Variants in OTOL1 observed in about 807,000 individuals in gnomAD.
OTOL1 encodes otolin-1.
OTOL1 carries 31 observed loss-of-function variants against 25.0 expected under a neutral mutation model. That is an observed-to-expected ratio of 1.24 (90% CI 0.93 to 1.67). OTOL1 has a LOEUF of 1.67. Ranked by LOEUF, OTOL1 falls within the 40% of genes most tolerant of loss-of-function variation. OTOL1 has a pLI of 0.00. For synonymous variants in OTOL1, 225 were observed against 210.3 expected (o/e 1.07, Z -0.61); for missense variants, 654 against 587.7 (o/e 1.11, Z -1.17).
Position 161,503,534 on chromosome 3 carries a change from G to A in OTOL1, c.1026G>A (p.Arg342=). The change falls in exon 4 of 4, where the codon CGG becomes CGA. Residue 342 remains arginine (R), a synonymous_variant. Coordinates refer to ENST00000327928, the MANE Select transcript of OTOL1 (RefSeq NM_001080440.1). ...AGGGTGAGTTGGCTAGAGTGCCCCGGTCGGCTTTCAGCGCTGGTTTGTCAA... is the reference window on the plus strand; with the variant it reads ...AGGGTGAGTTGGCTAGAGTGCCCCGATCGGCTTTCAGCGCTGGTTTGTCAA... ...GSKGELARVP[R]SAFSAGLSKP... The A allele has an allele frequency of 6.2e-7, 1 of 1,613,842 alleles. No individual in the cohort carries two copies. The highest frequency in any genetic ancestry group is 8.5e-7 in the Non-Finnish European group (1 of 1,179,862).
At chr3:161,498,037 G>C (rs138712391) in intron 1 of OTOL1, among the ~76,000 whole-genome samples, 10 of 152,178 alleles carry the variant, frequency 6.6e-5, no homozygotes, top group African/African-American at 2.4e-4. Flanking sequence ...TGGGAAATGC[G>C]GTTAGTATTT....
chr3:161,501,817 C>T (rs1718979365), intron 2 of OTOL1, among the ~76,000 whole-genome samples: 1 of 152,098 alleles, frequency 6.6e-6, no homozygotes. Context: ...GGGATCACTG[C>T]CTCCAGATCG....
Position 161,503,128 on chromosome 3 carries a change from A to T in OTOL1, c.620A>T (p.Glu207Val), listed in dbSNP as rs1170452375. The T allele has an allele frequency of 3.5e-6, 5 of 1,442,898 alleles. No homozygotes were observed. The East Asian group carries it at 1.3e-4, about 36-fold the overall frequency. The allele number at this position is 1,442,898 out of a possible 1,614,324, so 89.4% of individuals were successfully genotyped here. ...ACATGTGGGAATTGTACCAAAGGAGAAAAAGGAGACCAAGGGGCTATGGGC... is the reference window on the plus strand; with the variant it reads ...ACATGTGGGAATTGTACCAAAGGAGTAAAAGGAGACCAAGGGGCTATGGGC... ...GDTCGNCTKGEKGDQGAMGSP... is the reference protein window; with the variant it reads ...GDTCGNCTKGVKGDQGAMGSP... The change falls in exon 4 of 4, where the codon GAA becomes GTA. Residue 207 changes from glutamate to valine, a missense_variant. Glu to Val is a moderately radical substitution (Grantham distance 121). Coordinates refer to ENST00000327928, the MANE Select transcript of OTOL1 (RefSeq NM_001080440.1).
intron 1 of OTOL1, among the ~76,000 whole-genome samples, chr3:161,498,679 ACT>A (rs1718897545): frequency 6.6e-6 from 1 of 151,972 alleles, no homozygotes; most frequent in South Asian, 2.1e-4. Context: ...TCTTTCATAG[ACT>A]CTCAGCTTCA....
In OTOL1 at chr3:161,503,525, AGT is replaced by A; in HGVS notation, c.1019_1020del (p.Val340AlafsTer17). ...AAGGCTCCAAGGGTGAGTTGGCTAG[AGT>A]GCCCCGGTCGGCTTTCAGCGCTGGT... ...FKGSKGELAR[V>X]PRSAFSAGLS... is the part of the protein sequence containing the mutation. On this transcript the variant is annotated frameshift_variant, in exon 4 of 4. Transcript: ENST00000327928. LOFTEE classifies it low-confidence loss of function (END_TRUNC). The A allele has an allele frequency of 2.5e-6, 4 of 1,613,854 alleles. No individual in the cohort carries two copies. Among genetic ancestry groups the A allele is most frequent in the Non-Finnish European group, 3.4e-6 (4 of 1,179,848 alleles).
rs1380634451 is a variant in OTOL1, at chr3:161,497,096, T to A, written c.289T>A (p.Phe97Ile). The stretch of plus-strand genomic sequence containing the variant: ...AAACTTCACTCTTGACCCAGCTGAT[T>A]TCTTTTTGAATTGTTGTGATTGTTG... ...FENFTLDPADFFLNCCDCCSP... is the reference protein window; with the variant it reads ...FENFTLDPADIFLNCCDCCSP... The change falls in exon 1 of 4, where the codon TTC becomes ATC. Residue 97 changes from phenylalanine (F) to isoleucine (I), a missense_variant. Physicochemically the swap from Phe to Ile is conservative, Grantham distance 21. Transcript: ENST00000327928. The A allele has an allele frequency of 9.9e-6, 16 of 1,613,512 alleles. No individual in the cohort carries two copies. Among genetic ancestry groups the A allele is most frequent in the African/African-American group, 1.3e-5 (1 of 74,888 alleles).
intron 2 of OTOL1, 47 bp from the exon 3 acceptor site, chr3:161,502,260 T>A: frequency 1.4e-6 from 2 of 1,470,158 alleles, no homozygotes; most frequent in Non-Finnish European, 1.9e-6. Flanking sequence ...ATTAAATATA[T>A]CATAAATGAT....
rs1305513922 is a variant in OTOL1 at position 161,499,251 on chromosome 3, G to T, written c.445G>T (p.Gly149Ter). ...VGPQGPRGYK[G>*]EKGLKGERGD... ...GCCCCAAGGCCCTAGAGGCTACAAA[G>T]GAGAGAAAGGTAGGTAATTCATTCA... is the stretch of plus-strand genomic sequence containing the variant. The change falls in exon 2 of 4, where the codon GGA becomes TGA. Residue 149 changes from glycine to a stop codon, truncating the protein, a stop_gained. Transcript: ENST00000327928. LOFTEE classifies it high-confidence loss of function. 1 of 1,599,798 alleles carries T rather than the reference G, an allele frequency of 6.3e-7. No homozygotes were observed. Among genetic ancestry groups the T allele is most frequent in the African/African-American group, 1.3e-5 (1 of 74,202 alleles).
chr3:161,496,941 A>G lies in OTOL1; in HGVS notation c.134A>G (p.Lys45Arg). ...GAAAGAGAGATGCCAAAGGGTCTAA[A>G]GCCATCCAGTGGCCCACCTCCAGAA... ...SEEREMPKGL[K>R]PSSGPPPEEE... is the part of the protein sequence containing the mutation. The change falls in exon 1 of 4, where the codon AAG (lysine) becomes AGG (arginine). Residue 45 changes from lysine (K) to arginine (R), a missense_variant. Coordinates refer to ENST00000327928, the MANE Select transcript of OTOL1 (RefSeq NM_001080440.1). 6.2e-7 allele frequency: 1 copy of G among 1,613,562 alleles called. No individual in the cohort carries two copies. The highest frequency in any genetic ancestry group is 8.5e-7 in the Non-Finnish European group (1 of 1,179,652).
chr3:161,499,085 C>T, intron 1 of OTOL1, 86 bp from the exon 2 acceptor site: 2 of 972,416 alleles, frequency 2.1e-6, no homozygotes, highest in East Asian at 2.6e-5. Context: ...TTATTGATTG[C>T]AGTAAAATGC....
intron 2 of OTOL1, among the ~76,000 whole-genome samples, chr3:161,501,514 A>G (rs922810200): frequency 2.6e-5 from 4 of 151,760 alleles, no homozygotes; most frequent in African/African-American, 7.3e-5. Flanking sequence ...CTACAGTTCT[A>G]TACTTACATA....
rs1718916088 is a variant in OTOL1, at chr3:161,499,344, C to T, written c.454+84C>T. 5 of 945,970 alleles carry T rather than the reference C, an allele frequency of 5.3e-6. No homozygotes were observed. In the South Asian group the frequency reaches 7.9e-5, roughly 15 times the overall value. 58.6% of individuals were successfully genotyped at this position (945,970 alleles called of 1,614,324 possible). A position where few individuals can be genotyped will look rare whatever the true frequency, so the allele number is the denominator to read the frequency against. On this transcript the variant is annotated intron_variant, in intron 2 of 3. Coordinates refer to ENST00000327928, the MANE Select transcript of OTOL1 (RefSeq NM_001080440.1). ...CAATTTGCTACTTAAAGACTAGATT[C>T]TTGCAGATGAGTCAATTTTAAAAAT...
intron 1 of OTOL1, 40 bp downstream of exon 1, chr3:161,497,211 A>G: frequency 6.4e-7 from 1 of 1,564,556 alleles, no homozygotes. Flanking sequence ...TCACTTGTAC[A>G]TTGGTAGAGT....
rs1456435974 is a variant in OTOL1 at position 161,503,580 on chromosome 3, A to G, written c.1072A>G (p.Ile358Val). 6.2e-7 allele frequency: 1 copy of G among 1,613,794 alleles called. No homozygotes were observed. The highest frequency in any genetic ancestry group is 1.7e-5 in the Admixed American group (1 of 59,998). ...GLSKPFPPPN[I>V]PIKFEKILYN... is the part of the protein sequence containing the mutation. ...GTCAAAGCCATTTCCTCCTCCTAAC[A>G]TCCCCATCAAATTTGAAAAGATTCT... Residue 358 changes from isoleucine (I) to valine (V), a missense_variant, in exon 4 of 4, where the codon ATC becomes GTC. Coordinates refer to ENST00000327928, the MANE Select transcript of OTOL1 (RefSeq NM_001080440.1).
intron 2 of OTOL1, among the ~76,000 whole-genome samples, chr3:161,501,130 C>G (rs980074073): frequency 1.3e-5 from 2 of 152,094 alleles, no homozygotes; most frequent in Non-Finnish European, 2.9e-5. Flanking sequence ...CCCTACTTTT[C>G]TTGAAGGGCA....
At position 161,503,926 on chromosome 3, in the gene OTOL1, C is replaced by A; in HGVS notation, c.1418C>A (p.Ser473Tyr). ...TGFLLYPEET[S>Y]GISP ...TTCCTTTTGTACCCAGAGGAAACTT[C>A]TGGAATTTCACCATAAATTTGTGTC... The change falls in exon 4 of 4, where the codon TCT (serine) becomes TAT (tyrosine). Residue 473 changes from serine to tyrosine, a missense_variant. By Grantham distance (144) the Ser-to-Tyr change is moderately radical (BLOSUM62 -2). Coordinates refer to ENST00000327928, the MANE Select transcript of OTOL1 (RefSeq NM_001080440.1). The A allele has an allele frequency of 1.9e-6, 3 of 1,611,048 alleles. No homozygotes were observed. In the East Asian group the frequency reaches 6.7e-5, roughly 36 times the overall value.
At chr3:161,498,092 G>T (rs529114735) in intron 1 of OTOL1, among the ~76,000 whole-genome samples, 99 of 152,180 alleles carry the variant, frequency 6.5e-4, no homozygotes, top group African/African-American at 2.1e-3. Flanking sequence ...CCGTAGCTTG[G>T]GTACCAAGAT....
rs1282115646 is a variant in OTOL1, at chr3:161,496,813, G to C, written c.6G>C (p.Trp2Cys). Residue 2 changes from tryptophan (W) to cysteine (C), a missense_variant, in exon 1 of 4, where the codon TGG becomes TGC. Trp to Cys is a radical substitution (Grantham distance 215). Transcript: ENST00000327928. Reference sequence around the variant, plus strand: ...TCTTTCTTCCAGCTTCAAATATGTGGATGTTTTCTTGGCTTTGTGCTATTT... The same window carrying C: ...TCTTTCTTCCAGCTTCAAATATGTGCATGTTTTCTTGGCTTTGTGCTATTT... M[W>C]MFSWLCAILI... 6 of 1,565,104 alleles carry C rather than the reference G, an allele frequency of 3.8e-6. No individual in the cohort carries two copies. The highest frequency in any genetic ancestry group is 5.2e-6 in the Non-Finnish European group (6 of 1,157,908).
chr3:161,499,599 A>G (rs565257352), intron 2 of OTOL1, among the ~76,000 whole-genome samples: 3 of 152,222 alleles, frequency 2.0e-5, no homozygotes, highest in African/African-American at 7.2e-5. Flanking sequence ...GTACATGCTC[A>G]TGTTAGCCTA....
Sources: gnomAD v4.1 joint callset for allele counts (sites outside exome capture counted in the v4.1 genomes callset) on GRCh38, gnomAD v4.1.1 for gene constraint, MANE v1.5 for transcripts, NCBI Gene and HGNC (gene_info 2026-07-23, HGNC 2026-07-21) for gene names.